IL1RAPL2: variants seen among roughly 807,000 people sequenced by gnomAD.
IL1RAPL2 encodes X-linked interleukin-1 receptor accessory protein-like 2.
Under a neutral mutation model 44.1 loss-of-function variants are expected in IL1RAPL2, and 3 were observed. That is an observed-to-expected ratio of 0.07 (90% confidence interval 0.03 to 0.18). The LOEUF (loss-of-function observed/expected upper bound fraction) is 0.18, where lower values mean the gene tolerates loss of function less well. Ranked by LOEUF, IL1RAPL2 falls within the 10% of genes least tolerant of loss-of-function variation. IL1RAPL2 has a pLI of 1.00. For missense variants in IL1RAPL2, 391 were observed against 496.4 expected, an observed-to-expected ratio of 0.79 and a Z score of 2.02; for synonymous variants, 181 against 178.8, an observed-to-expected ratio of 1.01 and a Z score of -0.10.
intron 2 of IL1RAPL2, among the ~76,000 whole-genome samples, chrX:104,713,834 T>C (rs777835285): frequency 2.7e-5 from 3 of 110,748 alleles, no homozygotes; most frequent in African/African-American, 6.5e-5. Context: ...AAATGACATA[T>C]GTTCACTTCC....
intron 10 of IL1RAPL2, among the ~76,000 whole-genome samples, chrX:105,759,830 C>T (rs1368704836): frequency 8.9e-6 from 1 of 111,938 alleles, no homozygotes; most frequent in Non-Finnish European, 1.9e-5. Flanking sequence ...TGCAAAAAAA[C>T]ATTTTTGTAC....
rs139955439 is a variant in IL1RAPL2 at position 104,747,382 on chromosome X, G to A, written c.82+88387G>A. Among the ~76,000 whole-genome samples the A allele has an allele frequency of 6.2e-3, 692 of 110,860 alleles. 3 individuals carry two copies. The highest frequency in any genetic ancestry group is 0.022 in the African/African-American group (660 of 30,508). On this transcript the variant is annotated intron_variant, in intron 2 of 10. Coordinates refer to ENST00000372582, the MANE Select transcript of IL1RAPL2 (RefSeq NM_017416.2). Reference sequence around the variant, plus strand: ...TCCTCTTTCCTTCAACAATTACTGAGACAGTGTCTGCCAACCAGAACATAT... The same window carrying A: ...TCCTCTTTCCTTCAACAATTACTGAAACAGTGTCTGCCAACCAGAACATAT...
chrX:105,488,763 A>C (rs1309628859), intron 6 of IL1RAPL2, among the ~76,000 whole-genome samples: 1 of 112,028 alleles, frequency 8.9e-6, no homozygotes, highest in Admixed American at 9.5e-5. Flanking sequence ...TGTTCATTTG[A>C]GGGTTACACT....
intron 6 of IL1RAPL2, among the ~76,000 whole-genome samples, chrX:105,500,587 CT>C (rs1434953082): frequency 9.0e-6 from 1 of 110,966 alleles, no homozygotes; most frequent in African/African-American, 3.3e-5. Flanking sequence ...GTCTCTTTGC[CT>C]CCTCTTTCTC....
chrX:105,750,571 G>T (rs1453924991), intron 9 of IL1RAPL2, among the ~76,000 whole-genome samples: 4 of 108,034 alleles, frequency 3.7e-5, no homozygotes, highest in Non-Finnish European at 7.6e-5. Context: ...CTCCAAAAGT[G>T]CTGGGATTAC....
intron 2 of IL1RAPL2, among the ~76,000 whole-genome samples, chrX:104,986,486 A>C (rs2030563464): frequency 8.9e-6 from 1 of 112,439 alleles, no homozygotes; most frequent in Non-Finnish European, 1.9e-5. Context: ...GTCTGCTAGA[A>C]ATAGCCTCAG....
chrX:105,758,027 C>T (rs1299399392), intron 10 of IL1RAPL2, among the ~76,000 whole-genome samples: 1 of 111,107 alleles, frequency 9.0e-6, no homozygotes, highest in Non-Finnish European at 1.9e-5. Flanking sequence ...TATTTTCAAC[C>T]ATTGGTACAG....
chrX:105,515,044 GATA>G (rs986090992), intron 6 of IL1RAPL2, among the ~76,000 whole-genome samples: 9 of 111,683 alleles, frequency 8.1e-5, no homozygotes, highest in African/African-American at 2.9e-4. Context: ...AAATAGTAAT[GATA>G]ATAATGCTAC....
intron 10 of IL1RAPL2, among the ~76,000 whole-genome samples, chrX:105,764,381 T>C (rs1286710514): frequency 8.9e-6 from 1 of 111,765 alleles, no homozygotes; most frequent in Non-Finnish European, 1.9e-5. Flanking sequence ...CCTTTCCTCA[T>C]CCCAAAAAGA....
intron 2 of IL1RAPL2, among the ~76,000 whole-genome samples, chrX:105,175,470 C>T (rs1315037301): frequency 9.0e-6 from 1 of 111,378 alleles, no homozygotes; most frequent in Non-Finnish European, 1.9e-5. Context: ...GAGTATGTTA[C>T]TGATATTCCA....
chrX:104,648,218 C>T (rs191587840), intron 1 of IL1RAPL2, among the ~76,000 whole-genome samples: 9 of 112,129 alleles, frequency 8.0e-5, no homozygotes, highest in Admixed American at 7.5e-4. Context: ...CTCTTTATCT[C>T]AGTCTCTTTA....
chrX:105,309,034 A>T (rs2034774304), intron 5 of IL1RAPL2, among the ~76,000 whole-genome samples: 1 of 110,105 alleles, frequency 9.1e-6, no homozygotes, highest in Non-Finnish European at 1.9e-5. Flanking sequence ...AAATTAATTA[A>T]TTAATTAATT....
intron 2 of IL1RAPL2, among the ~76,000 whole-genome samples, chrX:104,808,483 T>C (rs1932940452): frequency 9.0e-6 from 1 of 111,041 alleles, no homozygotes; most frequent in South Asian, 3.8e-4. Context: ...TTGAAGACTT[T>C]TGAGCAGGAT....
intron 2 of IL1RAPL2, among the ~76,000 whole-genome samples, chrX:105,042,083 G>T (rs1190115654): frequency 9.0e-6 from 1 of 111,107 alleles, no homozygotes; most frequent in Non-Finnish European, 1.9e-5. Context: ...AATTCAAGAT[G>T]GATTAAAGAC....
In IL1RAPL2 at chrX:105,035,121, A is replaced by G. The variant is rs772621842; in HGVS notation, c.83-160354A>G. Among the ~76,000 whole-genome samples, 6 of 110,981 alleles carry G rather than the reference A, an allele frequency of 5.4e-5. No individual in the cohort carries two copies. The South Asian group carries it at 1.2e-3, about 21-fold the overall frequency. On this transcript the variant is annotated intron_variant, in intron 2 of 10. Coordinates refer to ENST00000372582, the MANE Select transcript of IL1RAPL2 (RefSeq NM_017416.2). The stretch of plus-strand genomic sequence containing the variant: ...GAAGTATTAGGGTGGGAGTGACCCA[A>G]TTTTCCAGGTGCCGTCTGTCACCCC...
chrX:105,009,198 T>C (rs1307083786), intron 2 of IL1RAPL2, among the ~76,000 whole-genome samples: 3 of 111,605 alleles, frequency 2.7e-5, no homozygotes, highest in African/African-American at 6.5e-5. Context: ...TGACGATTCC[T>C]CAATGATCTA....
intron 2 of IL1RAPL2, among the ~76,000 whole-genome samples, chrX:104,761,914 TCTC>T (rs1379076862): frequency 9.5e-5 from 4 of 41,900 alleles, no homozygotes; most frequent in East Asian, 5.2e-4. Flanking sequence ...TCCTTCTCCT[TCTC>T]CTTCTCCTTC....
chrX:105,438,258 C>T (rs2035895319), intron 5 of IL1RAPL2, among the ~76,000 whole-genome samples: 1 of 111,066 alleles, frequency 9.0e-6, no homozygotes, highest in Non-Finnish European at 1.9e-5. Flanking sequence ...AAATAATGAC[C>T]TGGTTAAGTA....
chrX:105,618,885 A>G (rs2037398213), intron 6 of IL1RAPL2, among the ~76,000 whole-genome samples: 1 of 111,377 alleles, frequency 9.0e-6, no homozygotes, highest in African/African-American at 3.3e-5. Flanking sequence ...CAAAAGACTT[A>G]TTGTCCCTGT....
Sources: allele counts gnomAD v4.1 joint callset (sites outside exome capture counted in the v4.1 genomes callset), GRCh38; gene constraint gnomAD v4.1.1; transcripts MANE v1.5; gene names NCBI Gene and HGNC (gene_info 2026-07-23, HGNC 2026-07-21).